PPP1R1C: variants seen among roughly 807,000 people sequenced by gnomAD.
PPP1R1C encodes protein phosphatase 1 regulatory subunit 1C.
Under a neutral mutation model 17.4 loss-of-function variants are expected in PPP1R1C, and 15 were observed. The ratio of observed to expected loss-of-function variants is 0.86; its 90% CI spans 0.58 to 1.33. The LOEUF (loss-of-function observed/expected upper bound fraction) is 1.33. Ranked by LOEUF, PPP1R1C falls within the 40% of genes most tolerant of loss-of-function variation. The probability of loss-of-function intolerance (pLI) is 0.00; values close to 1 mark genes in which losing one functional copy is unlikely to be tolerated. For missense variants in PPP1R1C, 143 were observed against 130.0 expected (o/e 1.10, Z -0.48); for synonymous variants, 35 against 43.1 (o/e 0.81, Z 0.73).
intron 5 of PPP1R1C, among the ~76,000 whole-genome samples, chr2:182,124,314 GTTTTT>G (rs796745919): frequency 4.8e-5 from 2 of 42,098 alleles, no homozygotes; most frequent in African/African-American, 6.8e-5. Context: ...GTTTTTTTTT[GTTTTT>G]TTTTTTTGTT....
intron 2 of PPP1R1C, among the ~76,000 whole-genome samples, chr2:182,048,178 T>A (rs1010574508): frequency 2.0e-5 from 3 of 152,214 alleles, no homozygotes; most frequent in African/African-American, 4.8e-5. Flanking sequence ...TCTTCTTTTC[T>A]CCACATTCCC....
intron 2 of PPP1R1C, among the ~76,000 whole-genome samples, chr2:182,051,984 C>T (rs984502599): frequency 1.3e-5 from 2 of 149,910 alleles, no homozygotes; most frequent in Non-Finnish European, 3.0e-5. Context: ...GCCTGGGCGA[C>T]ACAGTGAGAC....
Position 181,976,117 on chromosome 2 carries a change from T to C in PPP1R1C, n.157+853T>C, listed in dbSNP as rs533806606. On this transcript the variant is annotated intron_variant and non_coding_transcript_variant, in intron 2 of 5. Coordinates refer to the PPP1R1C transcript ENST00000464264. This position sits in a 1 kb window ranked among gnomAD's most constrained non-coding sequence, Gnocchi z 4.8. Reference sequence around the variant, plus strand: ...TCATAAAGAGAAAATATATAACCTATAAACTCACCATCCAGAGACAACCCC... The same window carrying C: ...TCATAAAGAGAAAATATATAACCTACAAACTCACCATCCAGAGACAACCCC... Among the ~76,000 whole-genome samples the C allele has an allele frequency of 1.3e-3, 201 of 152,196 alleles. 2 individuals are homozygous for C. Among genetic ancestry groups the C allele is most frequent in the African/African-American group, 4.5e-3 (189 of 41,560 alleles).
chr2:181,973,260 T>A (rs1685043102), intron 1 of PPP1R1C, among the ~76,000 whole-genome samples: 1 of 152,130 alleles, frequency 6.6e-6, no homozygotes, highest in Admixed American at 6.6e-5. Context: ...TGGAAGTGAC[T>A]CATCCTAATC....
intron 2 of PPP1R1C, among the ~76,000 whole-genome samples, chr2:181,980,527 G>A (rs1253032178): frequency 1.3e-5 from 2 of 152,168 alleles, no homozygotes; most frequent in African/African-American, 4.8e-5. Flanking sequence ...TGTCCATTGA[G>A]CTGTTTCCCC....
intron 4 of PPP1R1C, among the ~76,000 whole-genome samples, chr2:182,078,479 C>T (rs552088438): frequency 6.6e-6 from 1 of 152,092 alleles, no homozygotes; most frequent in South Asian, 2.1e-4. Flanking sequence ...CATAGGGGTC[C>T]TTAAGGTACC....
In PPP1R1C at chr2:181,962,498, G is replaced by T; in HGVS notation, n.111+7864G>T. 1 of 676,940 alleles carries T rather than the reference G, an allele frequency of 1.5e-6. No individual in the cohort carries two copies. Among genetic ancestry groups the T allele is most frequent in the South Asian group, 1.5e-5 (1 of 66,642 alleles). The allele number at this position is 676,940 out of a possible 1,614,324, so 41.9% of individuals were successfully genotyped here. ...GCTCATGCTATCCAGGGAGGAGAGT[G>T]AGAGGACAGGACTCAGGCTTTGCCG... On this transcript the variant is annotated intron_variant and non_coding_transcript_variant, in intron 1 of 5. Transcript: ENST00000464264. The surrounding 1 kb of genome is among the most constrained non-coding windows in gnomAD (Gnocchi z 6.0).
chr2:182,108,251 G>C (rs945779612), intron 4 of PPP1R1C, among the ~76,000 whole-genome samples: 6 of 152,096 alleles, frequency 3.9e-5, no homozygotes, highest in Non-Finnish European at 7.4e-5. Context: ...TGACCTCACT[G>C]TTCCTATAGC....
chr2:182,099,246 C>G (rs979873462), intron 4 of PPP1R1C, among the ~76,000 whole-genome samples: 5 of 152,166 alleles, frequency 3.3e-5, no homozygotes, highest in African/African-American at 1.2e-4. Context: ...TAGTACTTCC[C>G]AGTTTGATTT....
At chr2:182,082,440 A>T (rs1574437153) in intron 4 of PPP1R1C, among the ~76,000 whole-genome samples, 1 of 152,224 alleles carries the variant, frequency 6.6e-6, no homozygotes, top group East Asian at 1.9e-4. Flanking sequence ...GCATAAAATC[A>T]AGGGTGGAAA....
chr2:182,078,523 T>G (rs1159600113), intron 4 of PPP1R1C, among the ~76,000 whole-genome samples: 1 of 152,146 alleles, frequency 6.6e-6, no homozygotes, highest in Non-Finnish European at 1.5e-5. Context: ...AAATGAAAGA[T>G]GTAAAGAAAT....
At position 182,012,925 on chromosome 2, in the gene PPP1R1C, C is replaced by T. The variant is rs191911354; in HGVS notation, c.142+25026C>T. Among the ~76,000 whole-genome samples the T allele has an allele frequency of 2.0e-5, 3 of 152,134 alleles. No individual in the cohort carries two copies. The East Asian group carries it at 5.8e-4, about 29-fold the overall frequency. ...AAACTGTTGATTATAACTTCATACA[C>T]CCCCACCGCTTTTTAACTTTTTATT... On this transcript the variant is annotated intron_variant, in intron 2 of 4. Coordinates refer to ENST00000682840, the MANE Select transcript of PPP1R1C (RefSeq NM_001080545.3).
At chr2:182,078,194 C>T (rs893284482) in intron 4 of PPP1R1C, among the ~76,000 whole-genome samples, 2 of 152,122 alleles carry the variant, frequency 1.3e-5, no homozygotes, top group Admixed American at 1.3e-4. Context: ...AAAAATATGT[C>T]ATTTTTGGTA....
intron 4 of PPP1R1C, among the ~76,000 whole-genome samples, chr2:182,073,502 C>T (rs1361575822): frequency 6.6e-6 from 1 of 152,160 alleles, no homozygotes; most frequent in Non-Finnish European, 1.5e-5. Context: ...TTATTAGGCT[C>T]TTTTAGTTCA....
chr2:182,001,176 C>A (rs1441238882), intron 2 of PPP1R1C, among the ~76,000 whole-genome samples: 1 of 152,088 alleles, frequency 6.6e-6, no homozygotes, highest in Non-Finnish European at 1.5e-5. Context: ...ATCATCTCAA[C>A]AAGAATGAAT....
chr2:181,978,405 C>T (rs1056742072), intron 2 of PPP1R1C, among the ~76,000 whole-genome samples: 2 of 152,162 alleles, frequency 1.3e-5, no homozygotes, highest in African/African-American at 4.8e-5. Context: ...ACCATGATGT[C>T]TGGGGCATCA....
At chr2:181,993,689 A>C (rs984169546) in intron 2 of PPP1R1C, among the ~76,000 whole-genome samples, 162 of 152,286 alleles carry the variant, frequency 1.1e-3, no homozygotes, top group African/African-American at 3.9e-3. Flanking sequence ...ATGCTGAATG[A>C]TTTTTTAAAA....
At chr2:182,029,824 A>T (rs1444742678) in intron 2 of PPP1R1C, among the ~76,000 whole-genome samples, 1 of 47,812 alleles carries the variant, frequency 2.1e-5, no homozygotes, top group Non-Finnish European at 3.9e-5. Context: ...ACTTGGTTCC[A>T]TTCTCCCCAT....
intron 4 of PPP1R1C, among the ~76,000 whole-genome samples, chr2:182,072,298 C>G (rs768971447): frequency 2.0e-5 from 3 of 152,092 alleles, no homozygotes; most frequent in Non-Finnish European, 2.9e-5. Flanking sequence ...TTGTATTATC[C>G]CTTTATAAAT....
Sources: allele counts gnomAD v4.1 joint callset (sites outside exome capture counted in the v4.1 genomes callset), GRCh38; gene constraint gnomAD v4.1.1; non-coding constraint Gnocchi (gnomAD v3.1); transcripts MANE v1.5; gene names NCBI Gene and HGNC (gene_info 2026-07-23, HGNC 2026-07-21).